PPFIBP2: variants seen among roughly 807,000 people sequenced by gnomAD.
PPFIBP2 encodes liprin-beta-2.
A neutral mutation model predicts 118.3 loss-of-function variants in PPFIBP2; 118 were observed. The observed-to-expected ratio is 1.00, with a 90% CI of 0.86 to 1.16. The LOEUF is 1.16. Among genes scored for constraint, PPFIBP2 ranks in the 50% most tolerant of loss-of-function variants. PPFIBP2 has a pLI of 0.00. For missense variants in PPFIBP2, 1,195 were observed against 1,073.1 expected (o/e 1.11, Z -1.59); for synonymous variants, 414 against 397.4 (o/e 1.04, Z -0.50).
intron 2 of PPFIBP2, among the ~76,000 whole-genome samples, chr11:7,560,555 G>A (rs113304849): frequency 8.3e-4 from 127 of 152,226 alleles, no homozygotes; most frequent in African/African-American, 3.0e-3. Flanking sequence ...CCAATTTGGG[G>A]GGATTTTTCC....
intron 3 of PPFIBP2, 48 bp from the exon 4 acceptor site, chr11:7,593,084 T>C: frequency 6.2e-7 from 1 of 1,600,592 alleles, no homozygotes; most frequent in South Asian, 1.1e-5. Context: ...GTTGGTAAGA[T>C]GTTTTTCCAA....
At chr11:7,606,886 A>ATT (rs529585905) in intron 5 of PPFIBP2, among the ~76,000 whole-genome samples, 815 of 51,438 alleles carry the variant, frequency 0.016, 289 homozygotes, top group Non-Finnish European at 0.023. Context: ...AACTGCATGA[A>ATT]TTTTTTTTTT....
At position 7,525,039 on chromosome 11, in the gene PPFIBP2, C is replaced by T. The variant is rs549685577; in HGVS notation, c.-37+10918C>T. ...TGCTCACTGGTGCGGCACAATGCCC[C>T]GGGCAGGGATTATTGTTCTGCTTGT... On this transcript the variant is annotated intron_variant, in intron 1 of 23. Coordinates refer to ENST00000299492, the MANE Select transcript of PPFIBP2 (RefSeq NM_003621.5). Among the ~76,000 whole-genome samples the T allele has an allele frequency of 1.2e-4, 18 of 152,236 alleles. 1 individual carries two copies. In the South Asian group the frequency reaches 1.5e-3, roughly 12 times the overall value.
the PPFIBP2 span, chr11:7,665,932 C>CAAG: frequency 6.5e-7 from 1 of 1,535,826 alleles, no homozygotes; most frequent in Non-Finnish European, 8.7e-7. Context: ...CCTCTGCCGA[C>CAAG]CAGGGACCTG....
At chr11:7,596,584 C>CAGA (rs1860356858) in intron 4 of PPFIBP2, among the ~76,000 whole-genome samples, 1 of 152,140 alleles carries the variant, frequency 6.6e-6, no homozygotes, top group Non-Finnish European at 1.5e-5. Context: ...TCTAAACACT[C>CAGA]ATAAATGAAT....
At chr11:7,599,797 ATTTTTTTT>A (rs1200161212) in intron 5 of PPFIBP2, among the ~76,000 whole-genome samples, 2 of 117,410 alleles carry the variant, frequency 1.7e-5, no homozygotes, top group African/African-American at 6.6e-5. Context: ...CGCCCGGCTA[ATTTTTTTT>A]TTTTTTTTTT....
chr11:7,602,452 T>G (rs2135397136), intron 5 of PPFIBP2, among the ~76,000 whole-genome samples: 1 of 152,318 alleles, frequency 6.6e-6, no homozygotes, highest in African/African-American at 2.4e-5. Flanking sequence ...GTGAGCTCAC[T>G]GGGGTCTAGT....
In PPFIBP2 at chr11:7,608,500, C is replaced by T. The variant is rs181172084; in HGVS notation, c.487-1791C>T. 7.5e-4 allele frequency among the ~76,000 whole-genome samples: 114 copies of T among 152,194 alleles called. 2 individuals carry two copies. The Middle Eastern group carries it at 0.02, about 27-fold the overall frequency. ...TACTAAAAATACAAAATCCGCTGGG[C>T]GTGGTGGCATGCGCCTGTAATCCCG... On this transcript the variant is annotated intron_variant, in intron 5 of 23. Transcript: ENST00000299492.
At chr11:7,563,250 A>T (rs975915273) in intron 2 of PPFIBP2, among the ~76,000 whole-genome samples, 1 of 152,078 alleles carries the variant, frequency 6.6e-6, no homozygotes, top group African/African-American at 2.4e-5. Flanking sequence ...ATGTGTACAG[A>T]ATGGAGAGGG....
rs192455473 is a variant in PPFIBP2, at chr11:7,530,862, G to T, written c.-37+16741G>T. Among the ~76,000 whole-genome samples, 9 of 152,254 alleles carry T rather than the reference G, an allele frequency of 5.9e-5. No individual in the cohort carries two copies. The East Asian group carries it at 1.7e-3, about 29-fold the overall frequency. ...ACCCAGCGTCTATACTACCCCTTCTGTGGCCATTTGGAGTCACATAGACCT... is the reference window on the plus strand; with the variant it reads ...ACCCAGCGTCTATACTACCCCTTCTTTGGCCATTTGGAGTCACATAGACCT... On this transcript the variant is annotated intron_variant, in intron 1 of 23. Coordinates refer to ENST00000299492, the MANE Select transcript of PPFIBP2 (RefSeq NM_003621.5).
intron 1 of PPFIBP2, among the ~76,000 whole-genome samples, chr11:7,544,056 A>G (rs1317174478): frequency 5.3e-5 from 8 of 152,232 alleles, no homozygotes; most frequent in Non-Finnish European, 8.8e-5. Flanking sequence ...AAGTCCTGTA[A>G]TGAGCAGGAC....
chr11:7,558,757 A>G (rs922904633), intron 2 of PPFIBP2, among the ~76,000 whole-genome samples: 2 of 152,068 alleles, frequency 1.3e-5, no homozygotes, highest in African/African-American at 4.8e-5. Flanking sequence ...CTGTCTCAAA[A>G]AAAAAAAAAG....
chr11:7,593,478 A>G (rs1466044651), intron 4 of PPFIBP2, among the ~76,000 whole-genome samples: 1 of 152,202 alleles, frequency 6.6e-6, no homozygotes, highest in Non-Finnish European at 1.5e-5. Flanking sequence ...GCTTCTATAC[A>G]CTGGCAGCCC....
intron 4 of PPFIBP2, 116 bp from the exon 5 acceptor site, chr11:7,597,444 C>A (rs533503671): frequency 3.3e-6 from 5 of 1,536,644 alleles, no homozygotes; most frequent in Non-Finnish European, 4.4e-6. Flanking sequence ...AAATCAAAAT[C>A]GTTCACTGTG....
rs146693202 is a variant in PPFIBP2, at chr11:7,631,306, T to C, written c.1068+278T>C. 249 of 336,408 alleles carry C rather than the reference T, an allele frequency of 7.4e-4. 1 individual carries two copies. In the East Asian group the frequency reaches 0.013, roughly 17 times the overall value. The allele number at this position is 336,408 out of a possible 1,614,324, so 20.8% of individuals were successfully genotyped here. On this transcript the variant is annotated intron_variant, in intron 11 of 23. Coordinates refer to ENST00000299492, the MANE Select transcript of PPFIBP2 (RefSeq NM_003621.5). Reference sequence around the variant, plus strand: ...TCCTAGTTTATTTTTATCTTTTTTTTCTCTGGAATGTAAGCATAGACCAAA... The same window carrying C: ...TCCTAGTTTATTTTTATCTTTTTTTCCTCTGGAATGTAAGCATAGACCAAA...
chr11:7,659,918 T>C (rs1854855207), downstream of PPFIBP2, among the ~76,000 whole-genome samples: 1 of 123,312 alleles, frequency 8.1e-6, no homozygotes, highest in Non-Finnish European at 1.9e-5. Context: ...CAATTGTGAA[T>C]GGGAATTCAC....
chr11:7,583,307 T>C (rs1395615726), intron 3 of PPFIBP2, among the ~76,000 whole-genome samples: 1 of 152,232 alleles, frequency 6.6e-6, no homozygotes, highest in Non-Finnish European at 1.5e-5. Flanking sequence ...TCTTGCCTAA[T>C]TCTGTGTTCT....
chr11:7,606,991 A>T (rs1590546860), intron 5 of PPFIBP2, among the ~76,000 whole-genome samples: 1 of 131,350 alleles, frequency 7.6e-6, no homozygotes, highest in East Asian at 2.3e-4. Flanking sequence ...GCTAACTGCA[A>T]GCTCTGCCTC....
At chr11:7,665,608 C>G in the PPFIBP2 span, 1 of 1,507,792 alleles carries the variant, frequency 6.6e-7, no homozygotes, top group East Asian at 2.3e-5. Context: ...TGATCCCAGG[C>G]CGCCTGCACA....
Sources: allele counts gnomAD v4.1 joint callset (sites outside exome capture counted in the v4.1 genomes callset), GRCh38; gene constraint gnomAD v4.1.1; transcripts MANE v1.5; gene names NCBI Gene and HGNC (gene_info 2026-07-23, HGNC 2026-07-21).